Variants in EVL observed in about 807,000 individuals in gnomAD.
EVL encodes the protein ena/VASP-like protein.
EVL carries 21 observed loss-of-function variants against 59.6 expected under a neutral mutation model. That is an observed-to-expected ratio of 0.35 (90% confidence interval 0.25 to 0.51). The LOEUF is 0.51. Ranked by LOEUF, EVL falls within the 20% of genes least tolerant of loss-of-function variation. EVL has a pLI of 0.97. For synonymous variants in EVL, 198 were observed against 203.5 expected, an observed-to-expected ratio of 0.97 and a Z score of 0.23; for missense variants, 462 against 546.6, an observed-to-expected ratio of 0.85 and a Z score of 1.54.
rs116945933 is a variant in EVL at position 99,985,919 on chromosome 14, C to T, written c.5+13862C>T. 6.2e-3 allele frequency among the ~76,000 whole-genome samples: 948 copies of T among 152,180 alleles called. 7 individuals are homozygous for T. Among genetic ancestry groups the T allele is most frequent in the Middle Eastern group, 0.017 (5 of 294 alleles). ...TTCGGCTTGAATACAGAAAGATGTT[C>T]GACCTAGCACACAAATGAAACCCTG... is the stretch of plus-strand genomic sequence containing the variant. On this transcript the variant is annotated intron_variant, in intron 1 of 13. Transcript: ENST00000402714.
chr14:100,142,524 T>C (rs965591231), intron 13 of EVL, among the ~76,000 whole-genome samples: 2 of 152,222 alleles, frequency 1.3e-5, no homozygotes, highest in Admixed American at 6.5e-5. Flanking sequence ...TGATAAAGGC[T>C]GACACCTGGG....
chr14:100,028,022 A>G (rs1470628536), intron 1 of EVL, among the ~76,000 whole-genome samples: 1 of 152,188 alleles, frequency 6.6e-6, no homozygotes, highest in African/African-American at 2.4e-5. Context: ...TAAGCTTGGG[A>G]GTAAAATCAG....
intron 3 of EVL, among the ~76,000 whole-genome samples, chr14:100,119,929 A>G (rs1013277836): frequency 6.6e-6 from 1 of 152,180 alleles, no homozygotes; most frequent in Non-Finnish European, 1.5e-5. Flanking sequence ...GTTGCCATAC[A>G]TTCACTGTAC....
intron 2 of EVL, chr14:100,097,084 C>T (rs1283000392): frequency 3.6e-5 from 6 of 164,576 alleles, no homozygotes; most frequent in East Asian, 1.8e-4. Context: ...ATGTGATCTT[C>T]GCAGTAACCC....
At chr14:100,136,584 A>G (rs1888804812) in intron 9 of EVL, among the ~76,000 whole-genome samples, 2 of 152,156 alleles carry the variant, frequency 1.3e-5, no homozygotes, top group South Asian at 4.1e-4. Flanking sequence ...TCATGAGCAC[A>G]GCGAGGAGAG....
chr14:100,012,582 C>A (rs2061023508), intron 1 of EVL, among the ~76,000 whole-genome samples: 1 of 152,172 alleles, frequency 6.6e-6, no homozygotes, highest in South Asian at 2.1e-4. Context: ...CTAATTTCAT[C>A]TTTTTATTAA....
intron 1 of EVL, among the ~76,000 whole-genome samples, chr14:100,038,879 C>CT (rs1366178428): frequency 6.6e-6 from 1 of 151,510 alleles, no homozygotes. Flanking sequence ...TTATTGGTTA[C>CT]TTTTCCAACT....
chr14:99,973,051 C>G (rs191767376), intron 1 of EVL, among the ~76,000 whole-genome samples: 26 of 152,246 alleles, frequency 1.7e-4, no homozygotes, highest in Admixed American at 1.2e-3. Flanking sequence ...TCTACTGTTA[C>G]TAGACATTTT....
intron 9 of EVL, 129 bp downstream of exon 9, chr14:100,136,097 G>A (rs1381353456): frequency 1.9e-6 from 2 of 1,075,834 alleles, no homozygotes; most frequent in Non-Finnish European, 2.7e-6. Context: ...CCACAGGGAA[G>A]CCCATTTCTT....
chr14:100,065,426 T>G lies in EVL; in HGVS notation c.-75T>G. On this transcript the variant is annotated 5_prime_UTR_variant, in exon 1 of 14. Transcript: ENST00000392920. ...GTTGCTGTCTTCAGAGGGTCTGTGG[T>G]CCTCTGATCAACATAGGCTGGTGGG... is the stretch of plus-strand genomic sequence containing the variant. The G allele has an allele frequency of 7.6e-7, 1 of 1,324,398 alleles. No individual in the cohort carries two copies. Among genetic ancestry groups the G allele is most frequent in the East Asian group, 2.8e-5 (1 of 35,538 alleles). The allele number at this position is 1,324,398 out of a possible 1,614,324, so 82.0% of individuals were successfully genotyped here.
chr14:99,978,808 T>C (rs2060787360), intron 1 of EVL, among the ~76,000 whole-genome samples: 1 of 152,242 alleles, frequency 6.6e-6, no homozygotes, highest in Non-Finnish European at 1.5e-5. Context: ...ATATGACCTA[T>C]TGCTAAAAGT....
Position 100,127,920 on chromosome 14 carries a change from T to C in EVL, c.488-599T>C, listed in dbSNP as rs1194152075. 6.6e-6 allele frequency among the ~76,000 whole-genome samples: 1 copy of C among 152,236 alleles called. No individual in the cohort carries two copies. The highest frequency in any genetic ancestry group is 1.5e-5 in the Non-Finnish European group (1 of 68,028). On this transcript the variant is annotated intron_variant, in intron 5 of 13. Transcript: ENST00000392920. This position sits in a 1 kb window ranked among gnomAD's most constrained non-coding sequence, Gnocchi z 4.2. ...GCACCCTGAGCAGAGAGCTTGTGGC[T>C]GGTTTTCCTCAGCACCATACCCAGC...
intron 1 of EVL, among the ~76,000 whole-genome samples, chr14:99,979,247 A>G (rs1033149241): frequency 2.6e-5 from 4 of 152,072 alleles, no homozygotes; most frequent in African/African-American, 9.7e-5. Context: ...AAAAACAACA[A>G]CAAAAAAACC....
In EVL at chr14:100,036,597, A is replaced by C. The variant is rs564188140; in HGVS notation, c.6-48090A>C. On this transcript the variant is annotated intron_variant, in intron 1 of 13. Coordinates refer to the EVL transcript ENST00000402714. ...ATATAAACAACAAATTTCATTGTTCATGTCTGTTACTTGCAGCTTAAAAAA... is the reference window on the plus strand; with the variant it reads ...ATATAAACAACAAATTTCATTGTTCCTGTCTGTTACTTGCAGCTTAAAAAA... Among the ~76,000 whole-genome samples the C allele has an allele frequency of 2.0e-5, 3 of 152,254 alleles. No homozygotes were observed. In the South Asian group the frequency reaches 6.2e-4, roughly 32 times the overall value.
chr14:100,001,614 A>G (rs1237612608), intron 1 of EVL, among the ~76,000 whole-genome samples: 1 of 152,204 alleles, frequency 6.6e-6, no homozygotes, highest in African/African-American at 2.4e-5. Flanking sequence ...AGGCTTTTTA[A>G]AAGACAAGCC....
chr14:99,995,125 T>C (rs910021324), intron 1 of EVL, among the ~76,000 whole-genome samples: 1 of 152,212 alleles, frequency 6.6e-6, no homozygotes, highest in Non-Finnish European at 1.5e-5. Flanking sequence ...CGTGTGTTAG[T>C]ATGCGTGTCT....
intron 1 of EVL, among the ~76,000 whole-genome samples, chr14:100,036,723 G>A (rs1290115652): frequency 6.6e-6 from 1 of 152,134 alleles, no homozygotes; most frequent in Non-Finnish European, 1.5e-5. Flanking sequence ...CTTCAAAATT[G>A]TCAGACCACA....
chr14:100,136,510 C>G (rs1888797367), intron 9 of EVL, among the ~76,000 whole-genome samples: 1 of 152,120 alleles, frequency 6.6e-6, no homozygotes, highest in African/African-American at 2.4e-5. Flanking sequence ...GGGAGGAAGA[C>G]CCCAGGGTTG....
intron 3 of EVL, 178 bp downstream of exon 3, chr14:100,097,836 G>C: frequency 1.8e-6 from 1 of 546,046 alleles, no homozygotes; most frequent in South Asian, 2.9e-5. Flanking sequence ...CAATTCAGAG[G>C]AGGAAAGAAT....
Sources: gnomAD v4.1 joint callset for allele counts (sites outside exome capture counted in the v4.1 genomes callset) on GRCh38, gnomAD v4.1.1 for gene constraint, Gnocchi (gnomAD v3.1) non-coding constraint, MANE v1.5 for transcripts, NCBI Gene and HGNC (gene_info 2026-07-23, HGNC 2026-07-21) for gene names.